CCDC192: variants seen among roughly 807,000 people sequenced by gnomAD.
CCDC192 encodes the protein coiled-coil domain-containing protein 192.
chr5:127,924,948 A>G (rs1057362893), intron 6 of CCDC192, among the ~76,000 whole-genome samples: 2 of 152,326 alleles, frequency 1.3e-5, no homozygotes, highest in South Asian at 2.1e-4. Context: ...AAAAAAAATC[A>G]TAGCCACAGA....
At chr5:127,769,456 T>C (rs1245042797) in intron 3 of CCDC192, among the ~76,000 whole-genome samples, 1 of 152,004 alleles carries the variant, frequency 6.6e-6, no homozygotes, top group East Asian at 1.9e-4. Flanking sequence ...GCTGAGTGGT[T>C]GTACATTTGA....
chr5:127,727,402 G>A (rs1752390353), intron 2 of CCDC192, among the ~76,000 whole-genome samples: 1 of 152,044 alleles, frequency 6.6e-6, no homozygotes. Flanking sequence ...AACCCAGGAG[G>A]CAGAGGTTGC....
At chr5:127,794,070 G>A (rs1757028349) in intron 3 of CCDC192, among the ~76,000 whole-genome samples, 1 of 152,148 alleles carries the variant, frequency 6.6e-6, no homozygotes, top group South Asian at 2.1e-4. Flanking sequence ...TTCGCGTCTG[G>A]TCGGTGACAG....
intron 6 of CCDC192, among the ~76,000 whole-genome samples, chr5:127,882,247 C>T (rs1450486769): frequency 6.6e-6 from 1 of 152,166 alleles, no homozygotes; most frequent in Non-Finnish European, 1.5e-5. Flanking sequence ...CACAACTTAT[C>T]CCATTTATTT....
rs541782931 is a variant in CCDC192 at position 127,861,239 on chromosome 5, C to G, written c.412-14299C>G. On this transcript the variant is annotated intron_variant, in intron 5 of 6. Coordinates refer to ENST00000514853, the MANE Select transcript of CCDC192 (RefSeq NM_001317938.2). ...GTCAGGCTGGTTTTGAACTCCTGAC[C>G]TCAGGTGATCCGCCTGCCTCGGCCT... Among the ~76,000 whole-genome samples the G allele has an allele frequency of 1.0e-3, 157 of 151,862 alleles. 1 individual carries two copies. The South Asian group carries it at 0.031, about 30-fold the overall frequency.
At chr5:127,767,198 G>C (rs747549451) in intron 3 of CCDC192, among the ~76,000 whole-genome samples, 115 of 152,120 alleles carry the variant, frequency 7.6e-4, no homozygotes, top group Non-Finnish European at 1.4e-3. Context: ...TGTATCCTAG[G>C]AATGTGTCCC....
intron 5 of CCDC192, among the ~76,000 whole-genome samples, chr5:127,802,995 A>T (rs1238524651): frequency 6.6e-6 from 1 of 152,186 alleles, no homozygotes; most frequent in Non-Finnish European, 1.5e-5. Flanking sequence ...TAGAGTGGAA[A>T]CAGAAGGAAA....
At chr5:127,731,781 G>A (rs1347315453) in intron 2 of CCDC192, among the ~76,000 whole-genome samples, 1 of 152,172 alleles carries the variant, frequency 6.6e-6, no homozygotes, top group Admixed American at 6.5e-5. Context: ...TTAATAAATG[G>A]TGCTGGAGAA....
intron 5 of CCDC192, among the ~76,000 whole-genome samples, chr5:127,830,184 T>G (rs1749721164): frequency 6.6e-6 from 1 of 152,122 alleles, no homozygotes; most frequent in South Asian, 2.1e-4. Context: ...AATCAAGGAT[T>G]CCTGTAGCAC....
At chr5:127,787,574 ATTG>A (rs1756621481) in intron 3 of CCDC192, among the ~76,000 whole-genome samples, 1 of 151,894 alleles carries the variant, frequency 6.6e-6, no homozygotes, top group African/African-American at 2.4e-5. Flanking sequence ...TTTATTCTCT[ATTG>A]TTGTGAGAGA....
chr5:127,761,403 C>T (rs1754922088), intron 3 of CCDC192, among the ~76,000 whole-genome samples: 1 of 152,120 alleles, frequency 6.6e-6, no homozygotes, highest in Non-Finnish European at 1.5e-5. Context: ...GTGTTAAATA[C>T]TTTGCTGGGC....
At chr5:127,871,800 CA>C (rs1296628689) in intron 5 of CCDC192, among the ~76,000 whole-genome samples, 11 of 152,190 alleles carry the variant, frequency 7.2e-5, no homozygotes, top group Non-Finnish European at 1.6e-4. Context: ...ATTTCCTTTT[CA>C]AAACATTGCA....
chr5:127,793,858 G>A (rs555132093), intron 3 of CCDC192, among the ~76,000 whole-genome samples: 1 of 152,194 alleles, frequency 6.6e-6, no homozygotes, highest in South Asian at 2.1e-4. Flanking sequence ...GAATACTTTT[G>A]GCAACAGGTA....
chr5:127,738,399 A>G (rs1260884625), intron 2 of CCDC192, among the ~76,000 whole-genome samples: 6 of 136,776 alleles, frequency 4.4e-5, no homozygotes, highest in Non-Finnish European at 7.8e-5. Context: ...GAATCTGACA[A>G]TTATGTGTCT....
intron 2 of CCDC192, among the ~76,000 whole-genome samples, chr5:127,718,010 C>T (rs1751739822): frequency 6.6e-6 from 1 of 150,898 alleles, no homozygotes; most frequent in African/African-American, 2.4e-5. Flanking sequence ...GCATTATCTC[C>T]AGAAGTTCTC....
At chr5:127,785,574 GA>G in intron 3 of CCDC192, 1 of 169,042 alleles carries the variant, frequency 5.9e-6, no homozygotes. Flanking sequence ...CACAGTGGCT[GA>G]AAATTGACAT....
At chr5:127,795,289 C>CAAAAAAAA (rs762627670) in intron 3 of CCDC192, among the ~76,000 whole-genome samples, 4 of 76,576 alleles carry the variant, frequency 5.2e-5, no homozygotes, top group Non-Finnish European at 7.8e-5. Flanking sequence ...GACTCTATCT[C>CAAAAAAAA]AAAAAAAAAA....
chr5:127,748,699 A>G (rs921184516), intron 2 of CCDC192, among the ~76,000 whole-genome samples: 9 of 142,474 alleles, frequency 6.3e-5, no homozygotes, highest in African/African-American at 2.3e-4. Context: ...TACCTTGGGC[A>G]GTATGGCCAT....
At chr5:127,730,702 C>G (rs960329339) in intron 2 of CCDC192, among the ~76,000 whole-genome samples, 2 of 152,034 alleles carry the variant, frequency 1.3e-5, no homozygotes, top group East Asian at 1.9e-4. Flanking sequence ...CAGGATGAAG[C>G]CTGGTTCAAC....
Sources: gnomAD v4.1 joint callset for allele counts (sites outside exome capture counted in the v4.1 genomes callset) on GRCh38, gnomAD v4.1.1 for gene constraint, MANE v1.5 for transcripts, NCBI Gene and HGNC (gene_info 2026-07-23, HGNC 2026-07-21) for gene names.